Variants in PDHX observed in about 807,000 individuals in gnomAD.
The protein encoded by PDHX is pyruvate dehydrogenase protein X component, mitochondrial.
PDHX carries 33 observed loss-of-function variants against 55.3 expected under a neutral mutation model. The observed-to-expected ratio is 0.60, with a 90% confidence interval of 0.45 to 0.80. PDHX has a LOEUF of 0.80. Among genes scored for constraint, PDHX ranks in the 30% least tolerant of loss-of-function variants. PDHX has a pLI of 0.00. For missense variants in PDHX, 622 were observed against 619.9 expected (o/e 1.00, Z -0.04); for synonymous variants, 226 against 219.4 (o/e 1.03, Z -0.27).
At chr11:34,971,936 C>CT (rs59183668) in intron 7 of PDHX, among the ~76,000 whole-genome samples, 2 of 150,664 alleles carry the variant, frequency 1.3e-5, no homozygotes, top group African/African-American at 2.4e-5. Context: ...ATGGGTGCAG[C>CT]TTTTTTTTTC....
At chr11:34,937,832 A>G (rs925513270) in intron 2 of PDHX, among the ~76,000 whole-genome samples, 2 of 152,208 alleles carry the variant, frequency 1.3e-5, no homozygotes, top group Admixed American at 6.5e-5. Flanking sequence ...GGTAGAAGCC[A>G]TTATTCTGGA....
In PDHX at chr11:34,995,679, TAATA is replaced by T. The variant is rs149231678; in HGVS notation, c.*517_*520del. The T allele has an allele frequency of 0.013, 2,283 of 172,274 alleles. 23 individuals are homozygous for T. Among genetic ancestry groups the T allele is most frequent in the Non-Finnish European group, 0.02 (1,589 of 79,532 alleles). The allele number at this position is 172,274 out of a possible 1,614,324, so 10.7% of individuals were successfully genotyped here. On this transcript the variant is annotated 3_prime_UTR_variant, in exon 11 of 11. Coordinates refer to ENST00000227868, the MANE Select transcript of PDHX (RefSeq NM_003477.3). ...AATAGGTACAGAAGTTTATTCTGGA[TAATA>T]AATAAATAAGGATCACACTGTATTA...
At chr11:34,945,482 A>G (rs1000704503) in intron 2 of PDHX, among the ~76,000 whole-genome samples, 1 of 152,120 alleles carries the variant, frequency 6.6e-6, no homozygotes, top group African/African-American at 2.4e-5. Context: ...TCATTCTCAA[A>G]TGATGGTTTG....
At position 34,936,647 on chromosome 11, in the gene PDHX, G is replaced by A. The variant is rs180808035; in HGVS notation, c.241+5163G>A. Reference sequence around the variant, plus strand: ...GTCTGGCTGCATTGGGGACATAATGGCTGTAAGATCAGATAGATTATTGGA... The same window carrying A: ...GTCTGGCTGCATTGGGGACATAATGACTGTAAGATCAGATAGATTATTGGA... On this transcript the variant is annotated intron_variant, in intron 2 of 10. Transcript: ENST00000227868. 9.2e-5 allele frequency among the ~76,000 whole-genome samples: 14 copies of A among 152,174 alleles called. No individual in the cohort carries two copies. In the East Asian group the frequency reaches 2.7e-3, roughly 29 times the overall value.
At chr11:34,918,660 A>G (rs1421128802) in intron 1 of PDHX, among the ~76,000 whole-genome samples, 1 of 152,204 alleles carries the variant, frequency 6.6e-6, no homozygotes, top group African/African-American at 2.4e-5. Context: ...TGCTGCTGCA[A>G]CAAATTACCA....
intron 9 of PDHX, among the ~76,000 whole-genome samples, chr11:34,991,554 G>A (rs762207967): frequency 1.8e-4 from 28 of 152,078 alleles, no homozygotes; most frequent in Non-Finnish European, 3.7e-4. Context: ...AGATAAAAAC[G>A]GAATGTTGGT....
intron 1 of PDHX, among the ~76,000 whole-genome samples, chr11:34,918,202 C>T (rs1029476792): frequency 7.3e-5 from 11 of 150,730 alleles, no homozygotes; most frequent in Non-Finnish European, 1.3e-4. Flanking sequence ...CTTTGGGAGG[C>T]GAAGCTGGAA....
At chr11:34,920,369 T>C (rs1309145207) in intron 1 of PDHX, among the ~76,000 whole-genome samples, 3 of 152,200 alleles carry the variant, frequency 2.0e-5, no homozygotes, top group African/African-American at 7.2e-5. Flanking sequence ...GCCTAGTATA[T>C]AATTATAGGC....
intron 4 of PDHX, among the ~76,000 whole-genome samples, chr11:34,959,854 T>C (rs1321768024): frequency 1.3e-5 from 2 of 152,122 alleles, no homozygotes; most frequent in African/African-American, 4.8e-5. Context: ...AGTAGTCAAA[T>C]TGACAGAGAC....
chr11:34,994,771 TA>T, intron 10 of PDHX, 142 bp from the exon 11 acceptor site: 1 of 810,744 alleles, frequency 1.2e-6, no homozygotes, highest in Non-Finnish European at 2.0e-6. Flanking sequence ...TTGTAAATAC[TA>T]AATGTTTCCT....
At chr11:34,948,249 C>G (rs1170274655) in intron 3 of PDHX, among the ~76,000 whole-genome samples, 1 of 152,174 alleles carries the variant, frequency 6.6e-6, no homozygotes, top group Non-Finnish European at 1.5e-5. Context: ...AGAACTGTTT[C>G]CTCAGCTCTT....
chr11:34,987,484 A>G (rs1855670395), intron 9 of PDHX, among the ~76,000 whole-genome samples: 1 of 152,140 alleles, frequency 6.6e-6, no homozygotes, highest in African/African-American at 2.4e-5. Flanking sequence ...AGAGAGCAAA[A>G]GAGAAAGAAA....
At chr11:34,923,942 C>CTT (rs776612645) in intron 1 of PDHX, among the ~76,000 whole-genome samples, 12 of 152,100 alleles carry the variant, frequency 7.9e-5, no homozygotes, top group Non-Finnish European at 1.6e-4. Flanking sequence ...AATTAGTGTA[C>CTT]TTTAGTCATG....
intron 5 of PDHX, among the ~76,000 whole-genome samples, chr11:34,963,229 C>G (rs898808618): frequency 6.6e-6 from 1 of 152,130 alleles, no homozygotes; most frequent in Non-Finnish European, 1.5e-5. Context: ...TTTGGCATAG[C>G]TGTCCCCAAA....
chr11:34,932,485 C>G (rs1854202630), intron 2 of PDHX, among the ~76,000 whole-genome samples: 1 of 152,140 alleles, frequency 6.6e-6, no homozygotes, highest in Non-Finnish European at 1.5e-5. Context: ...AAAAAGACGC[C>G]TAACCTTTCA....
chr11:34,917,120 C>T (rs1853739130), intron 1 of PDHX, among the ~76,000 whole-genome samples: 1 of 152,200 alleles, frequency 6.6e-6, no homozygotes, highest in African/African-American at 2.4e-5. Context: ...CCTCAGCCCC[C>T]TTTCCAATCA....
In PDHX at chr11:34,966,679, G is replaced by T; in HGVS notation, c.681G>T (p.Lys227Asn). The change falls in exon 6 of 11, where the codon AAG (lysine) becomes AAT (asparagine). Residue 227 changes from lysine to asparagine, a missense_variant. Transcript: ENST00000227868. ...TTGTCCAGTTGAAACAAACGGGCAA[G>T]ATTACCGAGTCCAGACCAACTCCAG... ...LKLVQLKQTGKITESRPTPAP... is the reference protein window; with the variant it reads ...LKLVQLKQTGNITESRPTPAP... 1 of 1,614,026 alleles carries T rather than the reference G, an allele frequency of 6.2e-7. No individual in the cohort carries two copies. Among genetic ancestry groups the T allele is most frequent in the Non-Finnish European group, 8.5e-7 (1 of 1,180,008 alleles).
intron 4 of PDHX, 85 bp from the exon 5 acceptor site, chr11:34,960,335 A>G (rs1854996333): frequency 2.3e-6 from 2 of 861,742 alleles, no homozygotes; most frequent in East Asian, 5.3e-5. Flanking sequence ...TTTTTTAATT[A>G]TTTGCGAAAC....
At chr11:34,930,979 TTTG>T (rs1357386782) in intron 1 of PDHX, among the ~76,000 whole-genome samples, 1 of 152,230 alleles carries the variant, frequency 6.6e-6, no homozygotes, top group Non-Finnish European at 1.5e-5. Flanking sequence ...GAACCGTGTT[TTTG>T]TTGTTGTTGC....
Sources: allele counts gnomAD v4.1 joint callset (sites outside exome capture counted in the v4.1 genomes callset), GRCh38; gene constraint gnomAD v4.1.1; transcripts MANE v1.5; gene names NCBI Gene and HGNC (gene_info 2026-07-23, HGNC 2026-07-21).